PCNT: variants seen among roughly 807,000 people sequenced by gnomAD.
PCNT encodes pericentrin.
PCNT carries 319 observed loss-of-function variants against 380.4 expected under a neutral mutation model. The ratio of observed to expected loss-of-function variants is 0.84; its 90% CI spans 0.77 to 0.92. The LOEUF is 0.92. Among genes scored for constraint, PCNT ranks in the 40% least tolerant of loss-of-function variants. PCNT has a pLI of 0.00. For synonymous variants in PCNT, 1,845 were observed against 1,735.2 expected (o/e 1.06, Z -1.57); for missense variants, 4,400 against 4,255.3 (o/e 1.03, Z -0.95).
At chr21:46,423,769 G>GGGGGGGGGGGGGGGGGGGA (rs2087362350) in intron 32 of PCNT, among the ~76,000 whole-genome samples, 1 of 91,062 alleles carries the variant, frequency 1.1e-5, no homozygotes, top group Non-Finnish European at 2.2e-5. Context: ...AGAGAAGGGA[G>GGGGGGGGGGGGGGGGGGGA]GGGGATGAGG....
At chr21:46,439,897 G>C (rs900191974) in intron 41 of PCNT, among the ~76,000 whole-genome samples, 186 bp from the exon 42 acceptor site, 1 of 152,224 alleles carries the variant, frequency 6.6e-6, no homozygotes, top group African/African-American at 2.4e-5. Context: ...TTCTTTGGCT[G>C]ATCACAGCAC....
chr21:46,436,198 C>A, intron 39 of PCNT, 50 bp downstream of exon 39: 2 of 1,596,508 alleles, frequency 1.3e-6, no homozygotes, highest in Admixed American at 3.3e-5. Context: ...AGCCACCCCT[C>A]TGTCCCAGAC....
chr21:46,343,117 G>C (rs2083956190), intron 3 of PCNT, among the ~76,000 whole-genome samples: 1 of 151,944 alleles, frequency 6.6e-6, no homozygotes, highest in Non-Finnish European at 1.5e-5. Context: ...CAGCAGACAG[G>C]GACTGTTTTT....
chr21:46,336,134 G>A (rs1332774057), intron 3 of PCNT, among the ~76,000 whole-genome samples: 4 of 152,146 alleles, frequency 2.6e-5, no homozygotes, highest in African/African-American at 9.7e-5. Context: ...ATGCCACCAC[G>A]CCTGGCTAAT....
chr21:46,332,972 G>A (rs534974177), intron 2 of PCNT, among the ~76,000 whole-genome samples: 27 of 152,298 alleles, frequency 1.8e-4, no homozygotes, highest in African/African-American at 6.0e-4. Flanking sequence ...AATAAGCTGG[G>A]CACAGTGGCG....
chr21:46,427,771 G>T lies in PCNT; in HGVS notation c.7470G>T (p.Arg2490Ser). 6.2e-7 allele frequency: 1 copy of T among 1,613,670 alleles called. No individual in the cohort carries two copies. Among genetic ancestry groups the T allele is most frequent in the Non-Finnish European group, 8.5e-7 (1 of 1,180,036 alleles). Residue 2490 changes from arginine to serine, a missense_variant, in exon 34 of 47, where the codon AGG becomes AGT. By Grantham distance (110) the Arg-to-Ser change is moderately radical. Coordinates refer to ENST00000359568, the MANE Select transcript of PCNT (RefSeq NM_006031.6). Reference sequence around the variant, plus strand: ...GGGGTCACAGCTCCCTGCTCGAAAGGCTGGAGAAGATCATCCGTGAGCAGG... The same window carrying T: ...GGGGTCACAGCTCCCTGCTCGAAAGTCTGGAGAAGATCATCCGTGAGCAGG... ...DLGGHSSLLE[R>S]LEKIIREQGD...
At chr21:46,436,175 A>G (rs2148034257) in intron 39 of PCNT, 27 bp downstream of exon 39, 1 of 1,601,214 alleles carries the variant, frequency 6.2e-7, no homozygotes, top group Non-Finnish European at 8.5e-7. Flanking sequence ...CCTGGCGCTC[A>G]CTGGTCCCTT....
chr21:46,329,104 TA>T (rs2083477483), intron 2 of PCNT, among the ~76,000 whole-genome samples: 1 of 152,244 alleles, frequency 6.6e-6, no homozygotes, highest in South Asian at 2.1e-4. Flanking sequence ...AGTAAGCTGA[TA>T]AATATATGTG....
At chr21:46,374,405 T>C (rs1262184965) in intron 15 of PCNT, among the ~76,000 whole-genome samples, 1 of 152,106 alleles carries the variant, frequency 6.6e-6, no homozygotes, top group African/African-American at 2.4e-5. Flanking sequence ...CACATCAGGA[T>C]CTATTTGTTC....
intron 31 of PCNT, among the ~76,000 whole-genome samples, chr21:46,418,581 C>T (rs146029093): frequency 6.6e-6 from 1 of 152,346 alleles, no homozygotes; most frequent in East Asian, 1.9e-4. Flanking sequence ...CAGCTACAGA[C>T]CTTGCTCAGA....
chr21:46,347,353 G>A (rs932669835), intron 5 of PCNT, 104 bp from the exon 6 acceptor site: 1 of 1,110,238 alleles, frequency 9.0e-7, no homozygotes, highest in Non-Finnish European at 1.4e-6. Context: ...CGTGAATGCT[G>A]GCACGTGTCC....
At chr21:46,445,030 C>G (rs2053717871) in intron 46 of PCNT, among the ~76,000 whole-genome samples, 1 of 151,792 alleles carries the variant, frequency 6.6e-6, no homozygotes, top group Non-Finnish European at 1.5e-5. Flanking sequence ...GTGCTGAGGT[C>G]AGTTTGACTT....
Position 46,357,307 on chromosome 21 carries a change from A to G in PCNT, c.2154+116A>G, listed in dbSNP as rs2839224. 0.88 allele frequency: 687,261 copies of G among 782,986 alleles called. 302,474 individuals are homozygous for G. Among genetic ancestry groups the G allele is most frequent in the African/African-American group, 0.93 (55,104 of 59,258 alleles). 48.5% of individuals were successfully genotyped at this position (782,986 alleles called of 1,614,324 possible). On this transcript the variant is annotated intron_variant, in intron 13 of 46. Transcript: ENST00000359568. ...TCCTGGGGACAGCCCAGTGCTGTAC[A>G]TGGCACATTTGTAAGGGCGACAGTC...
Position 46,346,742 on chromosome 21 carries a change from G to C in PCNT, c.721-1G>C. ...TATCAGAGGCCTTTTCTCCGCCGCAGGCCGTGCATGGCCTTGAGCTGGAGG... is the reference window on the plus strand; with the variant it reads ...TATCAGAGGCCTTTTCTCCGCCGCACGCCGTGCATGGCCTTGAGCTGGAGG... On this transcript the variant is annotated splice_acceptor_variant, in intron 4 of 46. Coordinates refer to ENST00000359568, the MANE Select transcript of PCNT (RefSeq NM_006031.6). LOFTEE classifies it high-confidence loss of function. 1 of 1,595,836 alleles carries C rather than the reference G, an allele frequency of 6.3e-7. No homozygotes were observed. The highest frequency in any genetic ancestry group is 1.3e-5 in the African/African-American group (1 of 74,918).
At chr21:46,326,081 A>T (rs1379529359) in intron 1 of PCNT, among the ~76,000 whole-genome samples, 2 of 152,102 alleles carry the variant, frequency 1.3e-5, no homozygotes, top group East Asian at 1.9e-4. Flanking sequence ...TTTTATACAA[A>T]TTTTTTTTAA....
At chr21:46,439,010 G>GTT (rs1250867144) in intron 41 of PCNT, among the ~76,000 whole-genome samples, 1 of 151,988 alleles carries the variant, frequency 6.6e-6, no homozygotes, top group Non-Finnish European at 1.5e-5. Flanking sequence ...GTTGGATAGA[G>GTT]TTATCTTCCG....
At chr21:46,353,679 ATGTG>A (rs1436452393) in intron 10 of PCNT, among the ~76,000 whole-genome samples, 2 of 141,208 alleles carry the variant, frequency 1.4e-5, no homozygotes, top group Non-Finnish European at 3.1e-5. Context: ...TCCTCCAGGC[ATGTG>A]TGTGTGTTGG....
chr21:46,372,940 A>G lies in PCNT; in HGVS notation c.3165+5801A>G, dbSNP rs79984968. Among the ~76,000 whole-genome samples, 1,447 of 152,348 alleles carry G rather than the reference A, an allele frequency of 9.5e-3. 5 individuals carry two copies. The highest frequency in any genetic ancestry group is 0.016 in the Non-Finnish European group (1,089 of 68,040). ...GAAATTCTGTCCGTTTTATCTGTGC[A>G]TAGCACAAGGAGGTGTTCGTTTTCT... On this transcript the variant is annotated intron_variant, in intron 15 of 46. Transcript: ENST00000359568.
At chr21:46,390,084 C>T (rs1035575630) in intron 19 of PCNT, among the ~76,000 whole-genome samples, 2 of 152,258 alleles carry the variant, frequency 1.3e-5, no homozygotes, top group Non-Finnish European at 2.9e-5. Flanking sequence ...AGAGCCTCAG[C>T]CTGGCCGTGG....
Sources: gnomAD v4.1 joint callset for allele counts (sites outside exome capture counted in the v4.1 genomes callset) on GRCh38, gnomAD v4.1.1 for gene constraint, MANE v1.5 for transcripts, NCBI Gene and HGNC (gene_info 2026-07-23, HGNC 2026-07-21) for gene names.